The following LAMA5 variants were observed in gnomAD, a reference collection of about 807,000 sequenced individuals.
LAMA5 encodes laminin subunit alpha 5.
In LAMA5, 260 loss-of-function variants were observed where a neutral mutation model predicts 433.4. That is an observed-to-expected ratio of 0.60 (90% CI 0.54 to 0.66). LAMA5 has a LOEUF of 0.66. LAMA5 is among the 30% of genes least tolerant of loss of function. The pLI is 0.00. For missense variants in LAMA5, 5,378 were observed against 5,258.5 expected (o/e 1.02, Z -0.70); for synonymous variants, 2,620 against 2,226.6 (o/e 1.18, Z -4.97).
At chr20:62,331,888 C>T (rs1309293024) in intron 28 of LAMA5, among the ~76,000 whole-genome samples, 2 of 152,124 alleles carry the variant, frequency 1.3e-5, no homozygotes, top group Non-Finnish European at 2.9e-5. Context: ...CCTGTCTCTC[C>T]TAAAAATACG....
At chr20:62,314,126 A>G (rs1601285746) in intron 62 of LAMA5, among the ~76,000 whole-genome samples, 178 bp downstream of exon 62, 3 of 99,288 alleles carry the variant, frequency 3.0e-5, no homozygotes, top group African/African-American at 4.0e-5. Context: ...GGGCACAGAG[A>G]CGAGGGGTGG....
In LAMA5 at chr20:62,310,922, G is replaced by A. The variant is rs201094237; in HGVS notation, c.10261C>T (p.Arg3421Trp). Residue 3421 changes from arginine to tryptophan, a missense_variant, in exon 74 of 80, where the codon CGG becomes TGG. By Grantham distance (101) the Arg-to-Trp change is moderately radical. Coordinates refer to ENST00000252999, the MANE Select transcript of LAMA5 (RefSeq NM_005560.6). ...CTCACCTTGTGCCAGCGGCCAGGCC[G>A]GGAGCGCTGGCGGCTCTGGGCGCGG... is the stretch of plus-strand genomic sequence containing the variant. Reference protein sequence around the residue: ...RLRAQSRQRSRPGRWHKVSVR... With the variant: ...RLRAQSRQRSWPGRWHKVSVR... 3.8e-5 allele frequency: 62 copies of A among 1,610,572 alleles called. No individual in the cohort carries two copies. The highest frequency in any genetic ancestry group is 5.3e-5 in the African/African-American group (4 of 74,912).
Position 62,317,466 on chromosome 20 carries a change from C to T in LAMA5, c.7390G>A (p.Ala2464Thr). Reference sequence around the variant, plus strand: ...ATCCTCTGCAGCAGTGGGGTCCGAGCCCCATCCAGGCTGGCGGCGAGGCGC... The same window carrying T: ...ATCCTCTGCAGCAGTGGGGTCCGAGTCCCATCCAGGCTGGCGGCGAGGCGC... Reference protein sequence around the residue: ...LERLAASLDGARTPLLQRMQT... With the variant: ...LERLAASLDGTRTPLLQRMQT... The change falls in exon 55 of 80, where the codon GCT (alanine) becomes ACT (threonine). Residue 2464 changes from alanine (A) to threonine (T), a missense_variant. By Grantham distance (58) the Ala-to-Thr change is moderately conservative (BLOSUM62 0). Coordinates refer to ENST00000252999, the MANE Select transcript of LAMA5 (RefSeq NM_005560.6). 1 of 1,576,526 alleles carries T rather than the reference C, an allele frequency of 6.3e-7. No individual in the cohort carries two copies. The highest frequency in any genetic ancestry group is 8.6e-7 in the Non-Finnish European group (1 of 1,158,704).
chr20:62,349,459 A>C, intron 6 of LAMA5, among the ~76,000 whole-genome samples: 1 of 151,532 alleles, frequency 6.6e-6, no homozygotes. Context: ...GGAGAGGTGA[A>C]GAGACAGTCA....
In LAMA5 at chr20:62,344,058, C is replaced by T. The variant is rs146166246; in HGVS notation, c.1477+1760G>A. On this transcript the variant is annotated intron_variant, in intron 11 of 79. Coordinates refer to ENST00000252999, the MANE Select transcript of LAMA5 (RefSeq NM_005560.6). ...ACTCGGTAGACTGAAGCAGAAGAAT[C>T]GTTTGAACCTGGGAGGCACAAGTGG... 9.4e-3 allele frequency among the ~76,000 whole-genome samples: 1,391 copies of T among 148,238 alleles called. 20 individuals carry two copies. Among genetic ancestry groups the T allele is most frequent in the African/African-American group, 0.032 (1,292 of 40,348 alleles).
chr20:62,336,304 G>T, intron 18 of LAMA5, 36 bp downstream of exon 18: 2 of 1,445,130 alleles, frequency 1.4e-6, no homozygotes, highest in South Asian at 2.5e-5. Context: ...GTTCCCCAAG[G>T]AACCCCTGTA....
chr20:62,326,486 C>T (rs1240655522), intron 40 of LAMA5, 191 bp downstream of exon 40: 8 of 566,018 alleles, frequency 1.4e-5, no homozygotes, highest in Non-Finnish European at 2.2e-5. Flanking sequence ...CAGCATGACA[C>T]CCCCCAGGGT....
chr20:62,348,436 T>C (rs1207130779), intron 6 of LAMA5, among the ~76,000 whole-genome samples: 1 of 152,038 alleles, frequency 6.6e-6, no homozygotes, highest in Non-Finnish European at 1.5e-5. Context: ...ACCCCATCTC[T>C]ACTAAAGAAA....
intron 6 of LAMA5, among the ~76,000 whole-genome samples, chr20:62,348,891 T>G (rs922361165): frequency 6.6e-6 from 1 of 152,106 alleles, no homozygotes; most frequent in Non-Finnish European, 1.5e-5. Flanking sequence ...AAGGTGCTCC[T>G]GTATCTAATG....
chr20:62,329,500 C>G (rs1014185980), intron 32 of LAMA5, among the ~76,000 whole-genome samples: 8 of 152,222 alleles, frequency 5.3e-5, no homozygotes, highest in Non-Finnish European at 8.8e-5. Context: ...ACATCTCTGT[C>G]TGCTGGCCAC....
At chr20:62,336,209 C>T in intron 18 of LAMA5, 131 bp downstream of exon 18, 1 of 637,808 alleles carries the variant, frequency 1.6e-6, no homozygotes, top group Non-Finnish European at 2.8e-6. Flanking sequence ...TATCCCACCA[C>T]TCCCTCCAGG....
chr20:62,330,686 T>A, intron 30 of LAMA5, 57 bp downstream of exon 30: 2 of 1,558,392 alleles, frequency 1.3e-6, no homozygotes, highest in South Asian at 2.4e-5. Flanking sequence ...CTGCCCTGGG[T>A]TGGGACCCGG....
rs564205980 is a variant in LAMA5 at position 62,313,190 on chromosome 20, G to A, written c.8853C>T (p.Phe2951=). 1.2e-3 allele frequency: 1,858 copies of A among 1,570,526 alleles called. 42 individuals carry two copies. In the South Asian group the frequency reaches 0.02, roughly 17 times the overall value. The change falls in exon 65 of 80, where the codon TTC becomes TTT. Residue 2951 remains phenylalanine (F), a synonymous_variant. Transcript: ENST00000252999. ...TCTGACTGTCGAAGCTGATGCGGGC[G>A]AAGCCGGTGCCGTCCAGGTAGGAGC... The part of the protein sequence containing the change: ...TDGSYLDGTG[F]ARISFDSQIS...
rs867068124 is a variant in LAMA5 at position 62,315,593 on chromosome 20, C to T, written c.7867+355G>A. Reference sequence around the variant, plus strand: ...TCAGGGTGGGAGCCCTGGTCCTCACCGCCCAAGGTCTTGCCAGCCCCTTGG... The same window carrying T: ...TCAGGGTGGGAGCCCTGGTCCTCACTGCCCAAGGTCTTGCCAGCCCCTTGG... On this transcript the variant is annotated intron_variant, in intron 58 of 79. Transcript: ENST00000252999. Among the ~76,000 whole-genome samples the T allele has an allele frequency of 8.5e-5, 13 of 152,292 alleles. No individual in the cohort carries two copies. In the South Asian group the frequency reaches 2.7e-3, roughly 32 times the overall value.
rs1393761799 is a variant in LAMA5, at chr20:62,346,224, G to A, written c.1283-9C>T. On this transcript the variant is annotated splice_polypyrimidine_tract_variant and intron_variant, in intron 9 of 79. Transcript: ENST00000252999. ...GGACTCGCAGTTGCAGCCTGGGCAG[G>A]GGCAGGAGCCGGGTAAGCCTGGAGC... 2 of 1,609,556 alleles carry A rather than the reference G, an allele frequency of 1.2e-6. No homozygotes were observed. Among genetic ancestry groups the A allele is most frequent in the Non-Finnish European group, 8.5e-7 (1 of 1,178,574 alleles).
rs2146186645 is a variant in LAMA5, at chr20:62,330,755, C to A, written c.3840G>T (p.Leu1280=). 6.4e-7 allele frequency: 1 copy of A among 1,561,294 alleles called. No homozygotes were observed. Among genetic ancestry groups the A allele is most frequent in the African/African-American group, 1.4e-5 (1 of 73,756 alleles). Residue 1280 remains leucine (L), a synonymous_variant, in exon 30 of 80, where the codon CTG becomes CTT. Coordinates refer to ENST00000252999, the MANE Select transcript of LAMA5 (RefSeq NM_005560.6). ...AVDPDAEPTL[L]REPQATVVFT... ...CTATGGCCCTCACCTGGGGCTCACGCAGCAGGGTGGGCTCTGCATCAGGGT... is the reference window on the plus strand; with the variant it reads ...CTATGGCCCTCACCTGGGGCTCACGAAGCAGGGTGGGCTCTGCATCAGGGT...
At chr20:62,316,316 G>A (rs561767811) in intron 57 of LAMA5, 113 of 568,198 alleles carry the variant, frequency 2.0e-4, no homozygotes, top group African/African-American at 1.7e-3. Flanking sequence ...GCTCAGAAGA[G>A]ACAGCCCTCT....
In LAMA5 at chr20:62,313,374, G is replaced by A. The variant is rs1986542020; in HGVS notation, c.8745C>T (p.Phe2915=). The change falls in exon 64 of 80, where the codon TTC becomes TTT. Residue 2915 remains phenylalanine, a synonymous_variant. Coordinates refer to ENST00000252999, the MANE Select transcript of LAMA5 (RefSeq NM_005560.6). ...LNEEVVSLYN[F]ERTFQLDTAV... is the part of the protein sequence containing the mutation. The stretch of plus-strand genomic sequence containing the variant: ...CCGTGTCCAGCTGGAAGGTCCTCTC[G>A]AAGTTGTAGAGGCTGACCACCTCCT... The A allele has an allele frequency of 5.0e-6, 8 of 1,594,264 alleles. No individual in the cohort carries two copies. The highest frequency in any genetic ancestry group is 1.7e-4 in the Middle Eastern group (1 of 6,038).
intron 28 of LAMA5, among the ~76,000 whole-genome samples, chr20:62,331,665 G>A (rs1456315221): frequency 1.3e-5 from 2 of 152,222 alleles, no homozygotes; most frequent in Non-Finnish European, 2.9e-5. Flanking sequence ...TTTCCGTGCG[G>A]CCATGTGAGG....
Sources: gnomAD v4.1 joint callset for allele counts (sites outside exome capture counted in the v4.1 genomes callset) on GRCh38, gnomAD v4.1.1 for gene constraint, MANE v1.5 for transcripts, NCBI Gene and HGNC (gene_info 2026-07-23, HGNC 2026-07-21) for gene names.